The following NCKAP5 variants were observed in gnomAD, a reference collection of about 807,000 sequenced individuals.
NCKAP5 encodes the protein NCK associated protein 5.
Under a neutral mutation model 167.0 loss-of-function variants are expected in NCKAP5, and 92 were observed. That is an observed-to-expected ratio of 0.55 (90% CI 0.47 to 0.66). NCKAP5 has a LOEUF of 0.66. Among genes scored for constraint, NCKAP5 ranks in the 30% least tolerant of loss-of-function variants. NCKAP5 has a pLI of 0.00. For synonymous variants in NCKAP5, 891 were observed against 877.4 expected (o/e 1.02, Z -0.27); for missense variants, 2,378 against 2,315.0 (o/e 1.03, Z -0.56).
chr2:133,614,826 C>T, the NCKAP5 span, among the ~76,000 whole-genome samples: 1 of 151,794 alleles, frequency 6.6e-6, no homozygotes, highest in Admixed American at 6.6e-5. Flanking sequence ...TCGAGAAGAG[C>T]AACTCCAAGA....
chr2:133,633,648 C>T, the NCKAP5 span, among the ~76,000 whole-genome samples: 1 of 152,212 alleles, frequency 6.6e-6, no homozygotes, highest in Non-Finnish European at 1.5e-5. Flanking sequence ...AGTGCATCTA[C>T]ATCCCAACGC....
intron 4 of NCKAP5, among the ~76,000 whole-genome samples, chr2:133,225,749 G>A (rs1048561693): frequency 6.9e-6 from 1 of 145,716 alleles, no homozygotes; most frequent in Non-Finnish European, 1.5e-5. Context: ...GAGTAACTGG[G>A]ATCACAGGTG....
chr2:133,207,801 T>C (rs1369974388), intron 5 of NCKAP5, among the ~76,000 whole-genome samples: 2 of 152,050 alleles, frequency 1.3e-5, no homozygotes, highest in South Asian at 2.1e-4. Flanking sequence ...AAATAAATGA[T>C]TGAATAAATA....
intron 8 of NCKAP5, among the ~76,000 whole-genome samples, chr2:132,955,405 C>G (rs564790031): frequency 6.6e-5 from 10 of 152,262 alleles, no homozygotes; most frequent in African/African-American, 2.4e-4. Flanking sequence ...GAAAGTTCTA[C>G]TTAAGAGGAG....
intron 11 of NCKAP5, 124 bp downstream of exon 11, chr2:132,860,368 G>A: frequency 1.8e-6 from 2 of 1,131,846 alleles, no homozygotes; most frequent in Non-Finnish European, 2.5e-6. Flanking sequence ...ACTTGAGAAA[G>A]GAAAGAATTG....
At chr2:133,363,226 T>C (rs906790292) in intron 3 of NCKAP5, among the ~76,000 whole-genome samples, 1 of 152,166 alleles carries the variant, frequency 6.6e-6, no homozygotes, top group African/African-American at 2.4e-5. Flanking sequence ...AAGTCAGAAA[T>C]CTGAGTAACT....
intron 5 of NCKAP5, among the ~76,000 whole-genome samples, chr2:133,152,537 T>C (rs2083418684): frequency 6.6e-6 from 1 of 152,214 alleles, no homozygotes; most frequent in Admixed American, 6.5e-5. Context: ...AGAAAAATTA[T>C]AATTTCTCCC....
upstream of NCKAP5, among the ~76,000 whole-genome samples, chr2:133,571,988 A>C (rs1054457637): frequency 6.0e-5 from 9 of 148,858 alleles, no homozygotes; most frequent in East Asian, 6.0e-4. Context: ...AAAAAAAAAA[A>C]CCCAGAACCA....
At chr2:132,836,627 C>G (rs1218828684) in intron 11 of NCKAP5, among the ~76,000 whole-genome samples, 2 of 151,970 alleles carry the variant, frequency 1.3e-5, no homozygotes, top group Non-Finnish European at 2.9e-5. Flanking sequence ...TTTGTGAGAT[C>G]CTGGTGCACC....
intron 19 of NCKAP5, among the ~76,000 whole-genome samples, chr2:132,676,622 A>G (rs966289503): frequency 4.6e-5 from 7 of 152,212 alleles, no homozygotes; most frequent in African/African-American, 1.7e-4. Context: ...GATTGAGGTG[A>G]AACAATAATG....
chr2:132,754,392 A>G (rs1289710833), intron 16 of NCKAP5, among the ~76,000 whole-genome samples: 2 of 152,186 alleles, frequency 1.3e-5, no homozygotes, highest in African/African-American at 4.8e-5. Context: ...CTATTTATTC[A>G]AGCAAGACAA....
At chr2:133,395,557 TA>T (rs1332841722) in intron 3 of NCKAP5, among the ~76,000 whole-genome samples, 1 of 152,152 alleles carries the variant, frequency 6.6e-6, no homozygotes, top group Non-Finnish European at 1.5e-5. Flanking sequence ...CATTATACAG[TA>T]GTTTCTAGAA....
intron 6 of NCKAP5, among the ~76,000 whole-genome samples, chr2:133,092,224 G>A (rs1164187797): frequency 6.6e-6 from 1 of 152,134 alleles, no homozygotes; most frequent in Non-Finnish European, 1.5e-5. Flanking sequence ...GGCTGAAATT[G>A]GGCCTGAAAT....
At chr2:133,201,010 T>C (rs1453001711) in intron 5 of NCKAP5, among the ~76,000 whole-genome samples, 1 of 152,224 alleles carries the variant, frequency 6.6e-6, no homozygotes, top group Non-Finnish European at 1.5e-5. Flanking sequence ...AAATTTAGTT[T>C]CTAAATTGTG....
At chr2:132,750,662 CTAGT>C (rs2104783499) in intron 16 of NCKAP5, among the ~76,000 whole-genome samples, 1 of 152,204 alleles carries the variant, frequency 6.6e-6, no homozygotes, top group African/African-American at 2.4e-5. Context: ...TTAGAAATAT[CTAGT>C]GCTAAGCATG....
At chr2:133,589,945 G>A in the NCKAP5 span, among the ~76,000 whole-genome samples, 1 of 152,222 alleles carries the variant, frequency 6.6e-6, no homozygotes, top group Non-Finnish European at 1.5e-5. Context: ...AAGCAACTCA[G>A]TGAGAAGGCT....
intron 4 of NCKAP5, among the ~76,000 whole-genome samples, chr2:133,225,755 A>AGGTGTGGG (rs1422735220): frequency 6.6e-4 from 90 of 137,314 alleles, no homozygotes; most frequent in African/African-American, 1.9e-3. Flanking sequence ...CTGGGATCAC[A>AGGTGTGGG]GGTGTGGGTC....
chr2:133,630,597 TA>T, the NCKAP5 span, among the ~76,000 whole-genome samples: 3,944 of 147,924 alleles, frequency 0.027, 166 homozygotes, highest in African/African-American at 0.091. Flanking sequence ...CCTCAGAACT[TA>T]AAAAAAAAAA....
At chr2:133,142,741 C>T (rs372245877) in intron 5 of NCKAP5, among the ~76,000 whole-genome samples, 1 of 152,092 alleles carries the variant, frequency 6.6e-6, no homozygotes, top group Non-Finnish European at 1.5e-5. Flanking sequence ...CTAAAAGATA[C>T]CAATTTGTCC....
Sources: allele counts gnomAD v4.1 joint callset (sites outside exome capture counted in the v4.1 genomes callset), GRCh38; gene constraint gnomAD v4.1.1; transcripts MANE v1.5; gene names NCBI Gene and HGNC (gene_info 2026-07-23, HGNC 2026-07-21).